Variants in ZEB2 observed in about 807,000 individuals in gnomAD.
ZEB2 encodes zinc finger E-box-binding homeobox 2.
A neutral mutation model predicts 99.9 loss-of-function variants in ZEB2; 6 were observed. The observed-to-expected ratio is 0.06, with a 90% CI of 0.03 to 0.12. ZEB2 has a LOEUF of 0.12. ZEB2 is among the 10% of genes least tolerant of loss of function. The probability of loss-of-function intolerance (pLI) is 1.00; values close to 1 mark genes in which losing one functional copy is unlikely to be tolerated. For missense variants in ZEB2, 969 were observed against 1,502.8 expected (o/e 0.64, Z 5.87); for synonymous variants, 517 against 542.5 (o/e 0.95, Z 0.65).
intron 2 of ZEB2, among the ~76,000 whole-genome samples, chr2:144,515,517 A>G (rs1705118232): frequency 7.4e-6 from 1 of 134,232 alleles, no homozygotes; most frequent in Non-Finnish European, 1.7e-5. Context: ...AATTAAATTA[A>G]GAGAGAGAGA....
intron 2 of ZEB2, chr2:144,464,044 A>G (rs1372754054): frequency 6.6e-6 from 1 of 152,218 alleles, no homozygotes; most frequent in Non-Finnish European, 1.5e-5. Flanking sequence ...TATGTATACA[A>G]AACACTTACT....
In ZEB2 at chr2:144,385,901, C is replaced by T. The variant is rs1703076225; in HGVS notation, c.*3550G>A. The T allele has an allele frequency of 1.3e-5, 2 of 152,104 alleles. No individual in the cohort carries two copies. The highest frequency in any genetic ancestry group is 2.9e-5 in the Non-Finnish European group (2 of 68,004). The allele number at this position is 152,104 out of a possible 1,614,324, so 9.4% of individuals were successfully genotyped here. A position where few individuals can be genotyped will look rare whatever the true frequency, so the allele number is the denominator to read the frequency against. On this transcript the variant is annotated 3_prime_UTR_variant, in exon 10 of 10. Transcript: ENST00000627532. The stretch of plus-strand genomic sequence containing the variant: ...TTTATTCAAATATAGTCCCTTCTTT[C>T]CCCTTTCCTCCAAGCCCTCCCACTC...
chr2:144,492,561 A>G (rs1418324884), intron 2 of ZEB2, among the ~76,000 whole-genome samples: 1 of 152,190 alleles, frequency 6.6e-6, no homozygotes, highest in Non-Finnish European at 1.5e-5. Context: ...GTATGAAAGT[A>G]GAAACCAAAT....
At position 144,401,261 on chromosome 2, in the gene ZEB2, G is replaced by A; in HGVS notation, c.854C>T (p.Thr285Ile). Reference protein sequence around the residue: ...QGAGNRKFKCTECGKAFKYKH... With the variant: ...QGAGNRKFKCIECGKAFKYKH... ...ATATTTGAAGGCCTTGCCACACTCT[G>A]TGCATTTGAACTTGCGATTACCTGC... The change falls in exon 7 of 10, where the codon ACA becomes ATA. Residue 285 changes from threonine (T) to isoleucine (I), a missense_variant. By Grantham distance (89) the Thr-to-Ile change is moderately conservative. Around this residue, in one of 8 missense-constraint regions of ZEB2, gnomAD observed 9 missense variants for 77.3 expected, o/e 0.12. Coordinates refer to ENST00000627532, the MANE Select transcript of ZEB2 (RefSeq NM_014795.4). 6.2e-7 allele frequency: 1 copy of A among 1,614,174 alleles called. No individual in the cohort carries two copies. Among genetic ancestry groups the A allele is most frequent in the East Asian group, 2.2e-5 (1 of 44,874 alleles).
intron 2 of ZEB2, among the ~76,000 whole-genome samples, chr2:144,458,588 G>A (rs960649264): frequency 9.2e-5 from 14 of 152,012 alleles, no homozygotes; most frequent in African/African-American, 3.1e-4. Context: ...GAAGACACAA[G>A]AGATACTTCA....
In ZEB2 at chr2:144,478,475, T is replaced by A. The variant is rs186967408; in HGVS notation, c.73+38803A>T. Among the ~76,000 whole-genome samples, 336 of 152,308 alleles carry A rather than the reference T, an allele frequency of 2.2e-3. 5 individuals carry two copies. The East Asian group carries it at 0.027, about 12-fold the overall frequency. The stretch of plus-strand genomic sequence containing the variant: ...GTGTGTGTATGCGTGTGTGTTAAAA[T>A]CTAAATTGTGATTAAGTTGCACTTC... On this transcript the variant is annotated intron_variant, in intron 2 of 9. Transcript: ENST00000627532.
In ZEB2 at chr2:144,398,332, C is replaced by G. The variant is rs151256895; in HGVS notation, c.2855G>C (p.Arg952Thr). The change falls in exon 8 of 10, where the codon AGG becomes ACG. Residue 952 changes from arginine (R) to threonine (T), a missense_variant. By Grantham distance (71) the Arg-to-Thr change is moderately conservative. This residue lies in a region of ZEB2 where 346 missense variants were observed against 460.0 expected (regional missense o/e 0.75). Transcript: ENST00000627532. ...TCCTTGTTTCCGCTGGTACTTTCTC[C>G]TTTGCTGCATATCAGCAAAAGTAGC... is the stretch of plus-strand genomic sequence containing the variant. ...GAATFADMQQ[R>T]RKYQRKQGFQ... 8.7e-6 allele frequency: 14 copies of G among 1,613,760 alleles called. No individual in the cohort carries two copies. The African/African-American group carries it at 1.7e-4, about 20-fold the overall frequency.
chr2:144,434,668 T>G (rs986305918), intron 2 of ZEB2, among the ~76,000 whole-genome samples: 6 of 152,200 alleles, frequency 3.9e-5, no homozygotes, highest in African/African-American at 1.4e-4. Flanking sequence ...TGGAGATTGT[T>G]GCTTAATTTT....
Position 144,398,982 on chromosome 2 carries a change from A to G in ZEB2, c.2205T>C (p.Pro735=), listed in dbSNP as rs149964599. Residue 735 remains proline, a synonymous_variant, in exon 8 of 10, where the codon CCT becomes CCC. Coordinates refer to ENST00000627532, the MANE Select transcript of ZEB2 (RefSeq NM_014795.4). ...TAGATGGTGATGTTATGGAGTCCAT[A>G]GGTTTTACAGGAGACCTGGGTAATA... The part of the protein sequence containing the change: ...DSLLPRSPVK[P]MDSITSPSIA... 1.4e-4 allele frequency: 232 copies of G among 1,614,178 alleles called. No homozygotes were observed. In the African/African-American group the frequency reaches 1.7e-3, roughly 12 times the overall value.
intron 4 of ZEB2, among the ~76,000 whole-genome samples, chr2:144,416,404 A>G (rs894655310): frequency 6.6e-6 from 1 of 152,232 alleles, no homozygotes; most frequent in African/African-American, 2.4e-5. Flanking sequence ...AAAATGGGAT[A>G]TTCCTTCCTA....
At chr2:144,424,641 G>A (rs1340017868) in intron 4 of ZEB2, among the ~76,000 whole-genome samples, 155 bp downstream of exon 4, 1 of 152,098 alleles carries the variant, frequency 6.6e-6, no homozygotes, top group African/African-American at 2.4e-5. Flanking sequence ...CAAAATGTAG[G>A]AAATTTTGAT....
At chr2:144,480,839 C>CT (rs1375195558) in intron 2 of ZEB2, among the ~76,000 whole-genome samples, 1 of 151,180 alleles carries the variant, frequency 6.6e-6, no homozygotes, top group Non-Finnish European at 1.5e-5. Flanking sequence ...TAGTTTGTTT[C>CT]TTTTTTTAAA....
rs983405834 is a variant in ZEB2 at position 144,422,180 on chromosome 2, C to A, written c.403+2616G>T. Reference sequence around the variant, plus strand: ...TTGGTCTCTCAGAGTCTGGTTTTCACCCACAGAAATCATGGTAGCATAACA... The same window carrying A: ...TTGGTCTCTCAGAGTCTGGTTTTCAACCACAGAAATCATGGTAGCATAACA... On this transcript the variant is annotated intron_variant, in intron 4 of 9. Transcript: ENST00000627532. 3.3e-5 allele frequency among the ~76,000 whole-genome samples: 5 copies of A among 152,178 alleles called. No individual in the cohort carries two copies. The South Asian group carries it at 1.0e-3, about 32-fold the overall frequency.
At chr2:144,504,212 T>C (rs1704921189) in intron 2 of ZEB2, 1 of 152,166 alleles carries the variant, frequency 6.6e-6, no homozygotes, top group Non-Finnish European at 1.5e-5. Context: ...TTTAATTAAG[T>C]GTGCCCACTC....
At chr2:144,430,110 T>C in intron 2 of ZEB2, 84 bp from the exon 3 acceptor site, 1 of 1,557,576 alleles carries the variant, frequency 6.4e-7, no homozygotes, top group Non-Finnish European at 8.8e-7. Context: ...AAATGGAAAA[T>C]AATTAATATT....
chr2:144,503,437 G>T (rs1353860876), intron 2 of ZEB2, among the ~76,000 whole-genome samples: 1 of 152,150 alleles, frequency 6.6e-6, no homozygotes, highest in African/African-American at 2.4e-5. Context: ...AACAGTGCCT[G>T]TCGAATGGGC....
At chr2:144,464,191 T>G (rs1265750714) in intron 2 of ZEB2, 1 of 152,190 alleles carries the variant, frequency 6.6e-6, no homozygotes, top group Non-Finnish European at 1.5e-5. Context: ...GAGAGCTGCT[T>G]GATATTGTCT....
intron 2 of ZEB2, among the ~76,000 whole-genome samples, chr2:144,447,525 C>G (rs1389924577): frequency 1.3e-5 from 2 of 152,158 alleles, no homozygotes; most frequent in African/African-American, 4.8e-5. Context: ...ATCACAACTA[C>G]AGGAGAATTT....
At position 144,481,019 on chromosome 2, in the gene ZEB2, A is replaced by G. The variant is rs184410622; in HGVS notation, c.73+36259T>C. On this transcript the variant is annotated intron_variant, in intron 2 of 9. Transcript: ENST00000627532. ...TAGCATTATTTGTTAGTACCACAAT[A>G]CATTGATTTTGTTTTTCTTTCCTGG... Among the ~76,000 whole-genome samples the G allele has an allele frequency of 4.3e-3, 655 of 151,598 alleles. 4 individuals carry two copies. Among genetic ancestry groups the G allele is most frequent in the Middle Eastern group, 0.031 (9 of 294 alleles).
Sources: allele counts gnomAD v4.1 joint callset (sites outside exome capture counted in the v4.1 genomes callset), GRCh38; gene constraint gnomAD v4.1.1; regional missense constraint gnomAD v4.1.1; transcripts MANE v1.5; gene names NCBI Gene and HGNC (gene_info 2026-07-23, HGNC 2026-07-21).